DGKH: variants seen among roughly 807,000 people sequenced by gnomAD.
DGKH encodes the protein diacylglycerol kinase eta, also known as DAG kinase eta.
A neutral mutation model predicts 159.3 loss-of-function variants in DGKH; 90 were observed. That is an observed-to-expected ratio of 0.57 (90% CI 0.48 to 0.67). The LOEUF is 0.67. Among genes scored for constraint, DGKH ranks in the 30% least tolerant of loss-of-function variants. The pLI, the probability that DGKH is intolerant of heterozygous loss-of-function variation, is 0.00. For synonymous variants in DGKH, 536 were observed against 553.8 expected, an observed-to-expected ratio of 0.97 and a Z score of 0.45; for missense variants, 1,181 against 1,506.1, an observed-to-expected ratio of 0.78 and a Z score of 3.57.
chr13:42,190,855 T>C (rs1957046028), intron 16 of DGKH, among the ~76,000 whole-genome samples: 1 of 152,220 alleles, frequency 6.6e-6, no homozygotes, highest in South Asian at 2.1e-4. Context: ...GAACCTATTA[T>C]AGCTCACAGA....
downstream of DGKH, among the ~76,000 whole-genome samples, chr13:42,244,921 A>G (rs1958568939): frequency 1.3e-5 from 2 of 149,888 alleles, no homozygotes; most frequent in Non-Finnish European, 3.0e-5. Flanking sequence ...AAAAAAAAAA[A>G]AAAAAAAAAA....
intron 20 of DGKH, among the ~76,000 whole-genome samples, chr13:42,202,881 A>G (rs1161443101): frequency 6.6e-6 from 1 of 152,288 alleles, no homozygotes; most frequent in African/African-American, 2.4e-5. Flanking sequence ...CGTAATTTAC[A>G]TGGGTTAAGG....
intron 1 of DGKH, among the ~76,000 whole-genome samples, chr13:42,110,968 A>T (rs1048142288): frequency 2.0e-5 from 3 of 152,214 alleles, no homozygotes; most frequent in Non-Finnish European, 4.4e-5. Context: ...CACCTAGGTG[A>T]TGGGTTGATA....
intron 1 of DGKH, among the ~76,000 whole-genome samples, chr13:42,081,511 T>TGG (rs1954199937): frequency 6.6e-6 from 1 of 152,252 alleles, no homozygotes; most frequent in Non-Finnish European, 1.5e-5. Flanking sequence ...ATTACAGGTG[T>TGG]GAGCTACTGC....
At chr13:42,090,494 C>T (rs1035144174) in intron 1 of DGKH, among the ~76,000 whole-genome samples, 2 of 152,080 alleles carry the variant, frequency 1.3e-5, no homozygotes, top group African/African-American at 4.8e-5. Context: ...TGCCTGATTT[C>T]AAAACTTATA....
chr13:42,234,399 A>G lies in DGKH; in HGVS notation c.*5211A>G, dbSNP rs1306706713. On this transcript the variant is annotated 3_prime_UTR_variant, in exon 30 of 30. Transcript: ENST00000337343. The stretch of plus-strand genomic sequence containing the variant: ...GCACTTCTAAAGTAAAACATCTTCT[A>G]TCTCCAACTGGGCTGTCAACATAGT... 1.3e-5 allele frequency: 2 copies of G among 152,300 alleles called. No individual in the cohort carries two copies. The highest frequency in any genetic ancestry group is 2.4e-5 in the African/African-American group (1 of 41,566). 9.4% of individuals were successfully genotyped at this position (152,300 alleles called of 1,614,324 possible). A position where few individuals can be genotyped will look rare whatever the true frequency, so the allele number is the denominator to read the frequency against.
chr13:42,229,189 T>A lies in DGKH; in HGVS notation c.*1T>A, dbSNP rs1594249638. Reference sequence around the variant, plus strand: ...GAGCACTCCACAGTCGGAGGTGTAATCATATTGGTGCTATTTCTTGGAAGA... The same window carrying A: ...GAGCACTCCACAGTCGGAGGTGTAAACATATTGGTGCTATTTCTTGGAAGA... On this transcript the variant is annotated 3_prime_UTR_variant, in exon 30 of 30. Transcript: ENST00000337343. 2 of 1,607,506 alleles carry A rather than the reference T, an allele frequency of 1.2e-6. No individual in the cohort carries two copies.
At chr13:42,059,923 A>G (rs1219177494) in intron 1 of DGKH, among the ~76,000 whole-genome samples, 1 of 113,716 alleles carries the variant, frequency 8.8e-6, no homozygotes, top group Non-Finnish European at 1.9e-5. Flanking sequence ...TTTTTTTTAT[A>G]TATATAGAGT....
chr13:42,056,012 G>A (rs1881730496), intron 1 of DGKH, among the ~76,000 whole-genome samples: 1 of 152,192 alleles, frequency 6.6e-6, no homozygotes, highest in African/African-American at 2.4e-5. Context: ...AAGAAAGTTA[G>A]CTGGGCGTGG....
rs181225706 is a variant in DGKH, at chr13:42,252,972, G to T, written n.4127+491G>T. Among the ~76,000 whole-genome samples the T allele has an allele frequency of 2.0e-3, 302 of 151,884 alleles. 1 individual carries two copies. Among genetic ancestry groups the T allele is most frequent in the African/African-American group, 6.8e-3 (283 of 41,446 alleles). ...TATGTTGGCCAGGTTGGTCTTGACC[G>T]GCCTCCTACAACTTTTAATAGGTAG... On this transcript the variant is annotated intron_variant and non_coding_transcript_variant, in intron 30 of 30. Coordinates refer to the DGKH transcript ENST00000498255.
intron 12 of DGKH, among the ~76,000 whole-genome samples, chr13:42,177,762 A>T (rs190369388): frequency 1.3e-5 from 2 of 152,126 alleles, no homozygotes; most frequent in East Asian, 3.9e-4. Context: ...ATATGTTTTC[A>T]TCGGTTTATG....
At chr13:42,181,134 G>T (rs1403879334) in intron 13 of DGKH, among the ~76,000 whole-genome samples, 2 of 151,850 alleles carry the variant, frequency 1.3e-5, no homozygotes, top group Non-Finnish European at 2.9e-5. Flanking sequence ...AAAATTAGCC[G>T]GGCGTGATGG....
intron 2 of DGKH, among the ~76,000 whole-genome samples, 157 bp downstream of exon 2, chr13:42,127,730 G>A (rs189113629): frequency 8.0e-4 from 121 of 152,192 alleles, no homozygotes; most frequent in Middle Eastern, 3.4e-3. Flanking sequence ...CATCCCAAGC[G>A]GGTCTATTTG....
Position 42,239,351 on chromosome 13 carries a change from C to T in DGKH, c.*10163C>T, listed in dbSNP as rs1011188230. On this transcript the variant is annotated 3_prime_UTR_variant, in exon 30 of 30. Coordinates refer to ENST00000337343, the MANE Select transcript of DGKH (RefSeq NM_178009.5). ...TTGAAAGATGACACAGTTTTCATAG[C>T]AACAGTATGCAAATTAGGTTTTTCT... The T allele has an allele frequency of 6.6e-6, 1 of 152,504 alleles. No homozygotes were observed. Among genetic ancestry groups the T allele is most frequent in the Non-Finnish European group, 1.5e-5 (1 of 67,980 alleles). 9.4% of individuals were successfully genotyped at this position (152,504 alleles called of 1,614,324 possible).
At chr13:42,049,438 A>G (rs1021052666) in intron 1 of DGKH, among the ~76,000 whole-genome samples, 2 of 152,228 alleles carry the variant, frequency 1.3e-5, no homozygotes, top group East Asian at 3.9e-4. Flanking sequence ...GTGCTGGCCA[A>G]CCAGCCTGCG....
At chr13:42,132,726 C>T (rs1955311993) in intron 3 of DGKH, among the ~76,000 whole-genome samples, 1 of 151,890 alleles carries the variant, frequency 6.6e-6, no homozygotes. Flanking sequence ...ACATAGATTC[C>T]CATCTCTACA....
At chr13:42,184,530 AG>A (rs1247612826) in intron 13 of DGKH, among the ~76,000 whole-genome samples, 1 of 152,188 alleles carries the variant, frequency 6.6e-6, no homozygotes, top group East Asian at 1.9e-4. Flanking sequence ...TTGAAGGAAG[AG>A]AACAAAATTA....
At chr13:42,098,910 G>C (rs1305605224) in intron 1 of DGKH, among the ~76,000 whole-genome samples, 1 of 152,160 alleles carries the variant, frequency 6.6e-6, no homozygotes, top group Admixed American at 6.5e-5. Flanking sequence ...GAGTGCATAA[G>C]GAGTTACCAA....
intron 29 of DGKH, among the ~76,000 whole-genome samples, chr13:42,223,261 A>T (rs1958031575): frequency 6.6e-6 from 1 of 152,006 alleles, no homozygotes; most frequent in South Asian, 2.1e-4. Flanking sequence ...CTGGTGAGGG[A>T]TCACTCACTC....
Sources: allele counts gnomAD v4.1 joint callset (sites outside exome capture counted in the v4.1 genomes callset), GRCh38; gene constraint gnomAD v4.1.1; transcripts MANE v1.5; gene names NCBI Gene and HGNC (gene_info 2026-07-23, HGNC 2026-07-21).